The following CHN2 variants were observed in gnomAD, a reference collection of about 807,000 sequenced individuals.
The protein encoded by CHN2 is beta-chimaerin.
In CHN2, 35 loss-of-function variants were observed where a neutral mutation model predicts 56.3. The ratio of observed to expected loss-of-function variants is 0.62; its 90% confidence interval spans 0.47 to 0.82. The LOEUF is 0.82. CHN2 is among the 40% of genes least tolerant of loss of function. The pLI, the probability that CHN2 is intolerant of heterozygous loss-of-function variation, is 0.00. For missense variants in CHN2, 491 were observed against 580.5 expected, an observed-to-expected ratio of 0.85 and a Z score of 1.58; for synonymous variants, 210 against 212.8, an observed-to-expected ratio of 0.99 and a Z score of 0.12.
intron 7 of CHN2, among the ~76,000 whole-genome samples, chr7:29,492,382 T>G (rs1299267039): frequency 1.3e-5 from 2 of 152,196 alleles, no homozygotes; most frequent in Non-Finnish European, 2.9e-5. Context: ...GAGTTTCATT[T>G]AGCTTTTTTT....
At chr7:29,170,972 C>T (rs772495189) in intron 2 of CHN2, among the ~76,000 whole-genome samples, 71 of 152,042 alleles carry the variant, frequency 4.7e-4, no homozygotes, top group Non-Finnish European at 8.1e-4. Flanking sequence ...TTACCTCCCA[C>T]GGGGTCCCTC....
At chr7:29,200,386 A>G (rs1256820237) in intron 1 of CHN2, among the ~76,000 whole-genome samples, 2 of 96,658 alleles carry the variant, frequency 2.1e-5, no homozygotes, top group Non-Finnish European at 3.8e-5. Flanking sequence ...CCCTCCCTCT[A>G]TCCACCTTCT....
chr7:29,381,351 G>T (rs1037369676), intron 3 of CHN2, among the ~76,000 whole-genome samples: 2 of 152,148 alleles, frequency 1.3e-5, no homozygotes, highest in Admixed American at 6.5e-5. Flanking sequence ...TGCCAGGCTC[G>T]TGCCAGAAAA....
chr7:29,208,065 A>G (rs1784653034), intron 1 of CHN2, among the ~76,000 whole-genome samples: 3 of 152,202 alleles, frequency 2.0e-5, no homozygotes, highest in Admixed American at 6.5e-5. Flanking sequence ...GGTTGTTGCA[A>G]AAGTCCTCTT....
At chr7:29,412,209 C>G (rs528110867) in intron 6 of CHN2, among the ~76,000 whole-genome samples, 4 of 152,162 alleles carry the variant, frequency 2.6e-5, no homozygotes, top group African/African-American at 9.6e-5. Flanking sequence ...CCAGAAGCCA[C>G]TGCTGGAATG....
intron 2 of CHN2, among the ~76,000 whole-genome samples, chr7:29,355,160 G>A (rs935976038): frequency 1.3e-5 from 2 of 151,856 alleles, no homozygotes; most frequent in African/African-American, 2.4e-5. Context: ...TAGTAGAGAC[G>A]AGGTTTCTCC....
At chr7:29,183,408 G>T (rs1455628133) in intron 2 of CHN2, among the ~76,000 whole-genome samples, 1 of 149,096 alleles carries the variant, frequency 6.7e-6, no homozygotes, top group African/African-American at 2.5e-5. Context: ...ACAGGGTCTT[G>T]CTCTGTTGCC....
chr7:29,179,499 C>G (rs538293234), intron 2 of CHN2, among the ~76,000 whole-genome samples: 2 of 152,206 alleles, frequency 1.3e-5, no homozygotes, highest in African/African-American at 4.8e-5. Context: ...AGACTCAACA[C>G]AAATTCTTCA....
intron 6 of CHN2, among the ~76,000 whole-genome samples, chr7:29,422,279 CA>C (rs1375045829): frequency 2.2e-4 from 33 of 152,268 alleles, no homozygotes; most frequent in African/African-American, 7.2e-4. Flanking sequence ...GAGCTTTAAG[CA>C]GCCCTTTGAG....
chr7:29,361,125 C>G (rs1189200209), intron 2 of CHN2, among the ~76,000 whole-genome samples: 1 of 152,182 alleles, frequency 6.6e-6, no homozygotes, highest in Non-Finnish European at 1.5e-5. Context: ...CCTCTCAGCT[C>G]ACAGACCACC....
chr7:29,343,091 A>G (rs1797165986), intron 1 of CHN2, among the ~76,000 whole-genome samples: 1 of 152,238 alleles, frequency 6.6e-6, no homozygotes, highest in African/African-American at 2.4e-5. Flanking sequence ...TAATTTGTAA[A>G]GAGGCAGGGA....
At chr7:29,407,058 T>C (rs1036212865) in intron 6 of CHN2, among the ~76,000 whole-genome samples, 3 of 152,262 alleles carry the variant, frequency 2.0e-5, no homozygotes, top group Middle Eastern at 3.4e-3. Flanking sequence ...ACGTGCTCCT[T>C]CCTTCACTGG....
At chr7:29,220,517 G>A (rs988395593) in intron 1 of CHN2, among the ~76,000 whole-genome samples, 1 of 151,952 alleles carries the variant, frequency 6.6e-6, no homozygotes, top group Non-Finnish European at 1.5e-5. Context: ...AAGATACTAT[G>A]ATCAATTTTA....
At chr7:29,368,366 A>G (rs536566212) in intron 3 of CHN2, among the ~76,000 whole-genome samples, 12 of 152,252 alleles carry the variant, frequency 7.9e-5, no homozygotes, top group African/African-American at 2.9e-4. Context: ...GGTACTTTCA[A>G]CGCCCATATT....
intron 2 of CHN2, among the ~76,000 whole-genome samples, chr7:29,154,813 C>T (rs245900): frequency 0.49 from 73,886 of 152,106 alleles, 18,741 homozygotes; most frequent in East Asian, 0.65. Flanking sequence ...CCAGCCTGGG[C>T]GACAGAGTGA....
chr7:29,469,245 C>T (rs902367075), intron 6 of CHN2, among the ~76,000 whole-genome samples: 1 of 152,250 alleles, frequency 6.6e-6, no homozygotes, highest in East Asian at 1.9e-4. Context: ...TGCTCCCACC[C>T]TCATCCAAGC....
In CHN2 at chr7:29,513,953, C is replaced by G. The variant is rs1791783268; in HGVS notation, c.*1218C>G. The G allele has an allele frequency of 6.6e-6, 1 of 152,604 alleles. No homozygotes were observed. Among genetic ancestry groups the G allele is most frequent in the African/African-American group, 2.4e-5 (1 of 41,434 alleles). 9.5% of individuals were successfully genotyped at this position (152,604 alleles called of 1,614,324 possible). A position where few individuals can be genotyped will look rare whatever the true frequency, so the allele number is the denominator to read the frequency against. On this transcript the variant is annotated 3_prime_UTR_variant, in exon 13 of 13. Coordinates refer to ENST00000222792, the MANE Select transcript of CHN2 (RefSeq NM_004067.4). ...ATTTAAAACATCAAAAACTGTAAATCTAGATTTTTAAAAAATCCAACTGCA... is the reference window on the plus strand; with the variant it reads ...ATTTAAAACATCAAAAACTGTAAATGTAGATTTTTAAAAAATCCAACTGCA...
intron 1 of CHN2, among the ~76,000 whole-genome samples, chr7:29,308,738 G>A (rs542236897): frequency 4.6e-5 from 7 of 152,222 alleles, no homozygotes; most frequent in Non-Finnish European, 8.8e-5. Flanking sequence ...GGAAAATTCA[G>A]TAGTTGGGTG....
At chr7:29,204,433 A>G (rs1269266076) in intron 1 of CHN2, among the ~76,000 whole-genome samples, 1 of 152,164 alleles carries the variant, frequency 6.6e-6, no homozygotes, top group Non-Finnish European at 1.5e-5. Flanking sequence ...TGCTCATTCA[A>G]ATTCTCTTTA....
Sources: gnomAD v4.1 joint callset for allele counts (sites outside exome capture counted in the v4.1 genomes callset) on GRCh38, gnomAD v4.1.1 for gene constraint, MANE v1.5 for transcripts, NCBI Gene and HGNC (gene_info 2026-07-23, HGNC 2026-07-21) for gene names.